MGAT5: variants seen among roughly 807,000 people sequenced by gnomAD.
The protein encoded by MGAT5 is alpha-1,6-mannosylglycoprotein 6-beta-N-acetylglucosaminyltransferase.
A neutral mutation model predicts 94.3 loss-of-function variants in MGAT5; 30 were observed. The observed-to-expected ratio is 0.32, with a 90% CI of 0.24 to 0.43. The LOEUF (loss-of-function observed/expected upper bound fraction) is 0.43. MGAT5 is among the 20% of genes least tolerant of loss of function. The pLI is 1.00. For missense variants in MGAT5, 691 were observed against 905.5 expected, an observed-to-expected ratio of 0.76 and a Z score of 3.04; for synonymous variants, 310 against 322.9, an observed-to-expected ratio of 0.96 and a Z score of 0.43.
chr2:134,232,668 C>A (rs976796846), intron 1 of MGAT5, among the ~76,000 whole-genome samples: 1 of 152,130 alleles, frequency 6.6e-6, no homozygotes, highest in South Asian at 2.1e-4. Context: ...TGTTAATAGA[C>A]CACAGACCTA....
intron 1 of MGAT5, among the ~76,000 whole-genome samples, chr2:134,185,301 C>T (rs541943213): frequency 1.5e-4 from 23 of 152,318 alleles, no homozygotes; most frequent in African/African-American, 5.3e-4. Flanking sequence ...CTATGCCTTT[C>T]AATCCCCTAT....
At chr2:134,313,303 C>T (rs903121060) in intron 2 of MGAT5, among the ~76,000 whole-genome samples, 2 of 152,130 alleles carry the variant, frequency 1.3e-5, no homozygotes, top group Admixed American at 6.5e-5. Context: ...GTATGTTCCT[C>T]CTGAATCTTA....
Position 134,452,111 on chromosome 2 carries a change from T to C in MGAT5, c.*3264T>C, listed in dbSNP as rs985697022. The stretch of plus-strand genomic sequence containing the variant: ...GAGACAGGACATGTTCTTGAGCCAC[T>C]GTAGCTGTTGAAGCTGGACACCAGA... On this transcript the variant is annotated 3_prime_UTR_variant, in exon 16 of 16. Transcript: ENST00000281923. 7.2e-5 allele frequency: 11 copies of C among 152,250 alleles called. No homozygotes were observed. Among genetic ancestry groups the C allele is most frequent in the Non-Finnish European group, 1.5e-4 (10 of 68,064 alleles). 9.4% of individuals were successfully genotyped at this position (152,250 alleles called of 1,614,324 possible). A position where few individuals can be genotyped will look rare whatever the true frequency, so the allele number is the denominator to read the frequency against.
chr2:134,444,256 T>C (rs866545960), intron 15 of MGAT5, among the ~76,000 whole-genome samples: 1 of 152,116 alleles, frequency 6.6e-6, no homozygotes. Context: ...GCCCCAGCCC[T>C]GGCCCCTCCC....
rs144050891 is a variant in MGAT5, at chr2:134,133,106, T to C, written c.-143+12815T>C. Among the ~76,000 whole-genome samples, 653 of 152,312 alleles carry C rather than the reference T, an allele frequency of 4.3e-3. 4 individuals are homozygous for C. Among genetic ancestry groups the C allele is most frequent in the Middle Eastern group, 6.8e-3 (2 of 294 alleles). On this transcript the variant is annotated intron_variant, in intron 1 of 16. Transcript: ENST00000409645. ...TTGGTGATATAATGGAGTCCATTAG[T>C]GGGAAAGGCAAAGAAACAGTGATCC...
intron 10 of MGAT5, among the ~76,000 whole-genome samples, chr2:134,384,165 T>C (rs1039874600): frequency 2.7e-5 from 4 of 148,846 alleles, no homozygotes; most frequent in Non-Finnish European, 4.4e-5. Flanking sequence ...TTGAGTACCA[T>C]AGGGACCTCA....
At chr2:134,373,108 C>G (rs960957682) in intron 10 of MGAT5, among the ~76,000 whole-genome samples, 4 of 152,100 alleles carry the variant, frequency 2.6e-5, no homozygotes, top group Non-Finnish European at 5.9e-5. Flanking sequence ...GTTTGGCAGC[C>G]GATATGGGAG....
intron 1 of MGAT5, among the ~76,000 whole-genome samples, chr2:134,241,946 C>G (rs1161321773): frequency 6.6e-6 from 1 of 152,164 alleles, no homozygotes; most frequent in Non-Finnish European, 1.5e-5. Flanking sequence ...CTGAAGTACC[C>G]TGGAAAATAT....
chr2:134,432,218 C>T (rs773214203), intron 14 of MGAT5, among the ~76,000 whole-genome samples: 1 of 152,234 alleles, frequency 6.6e-6, no homozygotes, highest in Non-Finnish European at 1.5e-5. Flanking sequence ...TAAAACCATA[C>T]ATATGCTCTT....
At chr2:134,213,305 T>G (rs1215658552) in intron 1 of MGAT5, among the ~76,000 whole-genome samples, 1 of 152,178 alleles carries the variant, frequency 6.6e-6, no homozygotes, top group East Asian at 1.9e-4. Context: ...CACAGCCAGG[T>G]GAGGGAGACT....
chr2:134,225,063 G>A, intron 1 of MGAT5, among the ~76,000 whole-genome samples: 1 of 127,060 alleles, frequency 7.9e-6, no homozygotes, highest in Admixed American at 9.3e-5. Context: ...GTGACAGAGT[G>A]AGACCCTGTC....
At chr2:134,122,567 GA>G (rs1685663202) in intron 1 of MGAT5, among the ~76,000 whole-genome samples, 1 of 152,220 alleles carries the variant, frequency 6.6e-6, no homozygotes, top group African/African-American at 2.4e-5. Flanking sequence ...GGAGGGGCAA[GA>G]GGGTGACTGT....
intron 1 of MGAT5, among the ~76,000 whole-genome samples, chr2:134,164,054 C>T (rs1379308584): frequency 6.6e-6 from 1 of 151,888 alleles, no homozygotes; most frequent in East Asian, 1.9e-4. Flanking sequence ...AAACTCATAT[C>T]AATGATCTTG....
intron 10 of MGAT5, among the ~76,000 whole-genome samples, chr2:134,393,205 A>G (rs1682516663): frequency 6.6e-6 from 1 of 152,226 alleles, no homozygotes; most frequent in Non-Finnish European, 1.5e-5. Context: ...CTGGAATAAA[A>G]ACACAGATTA....
At chr2:134,199,895 TGC>T (rs1679691760) in intron 1 of MGAT5, among the ~76,000 whole-genome samples, 1 of 152,078 alleles carries the variant, frequency 6.6e-6, no homozygotes, top group Non-Finnish European at 1.5e-5. Context: ...GTGGAGGTTG[TGC>T]AAATGGCAAG....
chr2:134,287,837 A>G (rs1685104557), intron 2 of MGAT5, among the ~76,000 whole-genome samples: 2 of 152,216 alleles, frequency 1.3e-5, no homozygotes, highest in Non-Finnish European at 2.9e-5. Context: ...CTTGATAGAC[A>G]TTACAAGTTA....
chr2:134,362,444 G>A (rs1680157165), intron 10 of MGAT5, 36 bp downstream of exon 10: 1 of 1,601,256 alleles, frequency 6.2e-7, no homozygotes, highest in African/African-American at 1.3e-5. Context: ...TCTCTGAAAA[G>A]AAGCTTGTTG....
intron 1 of MGAT5, among the ~76,000 whole-genome samples, chr2:134,163,214 A>C (rs1409488043): frequency 2.0e-5 from 3 of 152,178 alleles, no homozygotes; most frequent in South Asian, 4.1e-4. Flanking sequence ...TAGCTACGAT[A>C]TGGAGAAAAG....
intron 1 of MGAT5, among the ~76,000 whole-genome samples, chr2:134,205,115 A>G (rs1220531271): frequency 6.6e-6 from 1 of 152,190 alleles, no homozygotes; most frequent in Non-Finnish European, 1.5e-5. Context: ...ATGGCATGTG[A>G]GTAAGAAAGA....
Sources: allele counts gnomAD v4.1 joint callset (sites outside exome capture counted in the v4.1 genomes callset), GRCh38; gene constraint gnomAD v4.1.1; transcripts MANE v1.5; gene names NCBI Gene and HGNC (gene_info 2026-07-23, HGNC 2026-07-21).